NALCN: variants seen among roughly 807,000 people sequenced by gnomAD.
NALCN encodes sodium leak channel NALCN.
NALCN carries 111 observed loss-of-function variants against 225.3 expected under a neutral mutation model. The observed-to-expected ratio is 0.49, with a 90% CI of 0.42 to 0.58. The LOEUF (loss-of-function observed/expected upper bound fraction) is 0.58. Ranked by LOEUF, NALCN falls within the 20% of genes least tolerant of loss-of-function variation. The pLI is 0.00. For missense variants in NALCN, 1,378 were observed against 2,202.4 expected (o/e 0.63, Z 7.49); for synonymous variants, 764 against 769.0 (o/e 0.99, Z 0.11).
intron 7 of NALCN, among the ~76,000 whole-genome samples, chr13:101,313,196 G>A (rs2044417568): frequency 2.6e-5 from 4 of 152,072 alleles, no homozygotes; most frequent in Admixed American, 2.0e-4. Flanking sequence ...ATGGATTAAA[G>A]ACTTACGTGT....
chr13:101,336,886 C>A (rs1174122735), intron 7 of NALCN, among the ~76,000 whole-genome samples: 1 of 152,170 alleles, frequency 6.6e-6, no homozygotes, highest in African/African-American at 2.4e-5. Flanking sequence ...TGCCTTATCA[C>A]GGCATTTTGA....
At chr13:101,286,709 T>C (rs974197143) in intron 9 of NALCN, among the ~76,000 whole-genome samples, 10 of 152,156 alleles carry the variant, frequency 6.6e-5, no homozygotes, top group African/African-American at 2.2e-4. Context: ...ATTTTTTTTT[T>C]CATTTTACTG....
intron 26 of NALCN, among the ~76,000 whole-genome samples, chr13:101,101,938 T>C (rs1167010076): frequency 6.6e-6 from 1 of 152,238 alleles, no homozygotes; most frequent in Non-Finnish European, 1.5e-5. Context: ...AGTCAGGTGA[T>C]ATTTTCTTTT....
intron 11 of NALCN, among the ~76,000 whole-genome samples, chr13:101,241,112 T>C (rs2041742849): frequency 1.3e-5 from 2 of 152,228 alleles, no homozygotes; most frequent in South Asian, 4.1e-4. Flanking sequence ...GAAACCCACA[T>C]GGGCACAGGC....
intron 6 of NALCN, among the ~76,000 whole-genome samples, chr13:101,352,371 C>T (rs2045930935): frequency 6.6e-6 from 1 of 151,978 alleles, no homozygotes; most frequent in African/African-American, 2.4e-5. Context: ...AGGATGCACA[C>T]GTACTAGTTC....
At chr13:101,390,004 C>G (rs2047099650) in intron 3 of NALCN, among the ~76,000 whole-genome samples, 1 of 152,196 alleles carries the variant, frequency 6.6e-6, no homozygotes, top group Non-Finnish European at 1.5e-5. Flanking sequence ...ATTGCTTGAA[C>G]CCAGAAGGTG....
intron 20 of NALCN, among the ~76,000 whole-genome samples, chr13:101,110,395 A>G (rs1364463756): frequency 2.6e-5 from 4 of 152,170 alleles, no homozygotes; most frequent in South Asian, 2.1e-4. Flanking sequence ...TATTTTAACT[A>G]AGACATGTGC....
chr13:101,062,946 A>C (rs1436161608), intron 40 of NALCN, among the ~76,000 whole-genome samples: 1 of 152,218 alleles, frequency 6.6e-6, no homozygotes, highest in Admixed American at 6.5e-5. Flanking sequence ...CCAGGGTTGA[A>C]TATCCACTCC....
chr13:101,191,888 T>A, intron 14 of NALCN, 29 bp downstream of exon 14: 1 of 1,578,196 alleles, frequency 6.3e-7, no homozygotes, highest in Non-Finnish European at 8.5e-7. Context: ...AATTCCAAGA[T>A]ATAATTGAAA....
intron 1 of NALCN, among the ~76,000 whole-genome samples, chr13:101,402,782 T>A (rs2047512243): frequency 6.6e-6 from 1 of 152,170 alleles, no homozygotes; most frequent in Non-Finnish European, 1.5e-5. Flanking sequence ...GAATGAAGAT[T>A]CAGCCTGAGA....
chr13:101,271,794 C>T (rs1318683625), intron 10 of NALCN, among the ~76,000 whole-genome samples: 5 of 150,736 alleles, frequency 3.3e-5, no homozygotes, highest in Non-Finnish European at 7.4e-5. Context: ...TGTCTGTGTG[C>T]ATGCATGTGT....
intron 15 of NALCN, among the ~76,000 whole-genome samples, chr13:101,153,752 GCTTT>G (rs2037767891): frequency 6.6e-6 from 1 of 152,068 alleles, no homozygotes; most frequent in Non-Finnish European, 1.5e-5. Context: ...TTCCTAACTG[GCTTT>G]CTGTCTTAGT....
intron 1 of NALCN, 76 bp from the exon 2 acceptor site, chr13:101,399,241 C>G: frequency 7.0e-6 from 7 of 994,854 alleles, no homozygotes; most frequent in Non-Finnish European, 1.0e-5. Context: ...CCACATATAT[C>G]TACTTATTTG....
intron 10 of NALCN, among the ~76,000 whole-genome samples, chr13:101,265,803 A>G (rs2042577211): frequency 6.6e-6 from 1 of 152,166 alleles, no homozygotes; most frequent in Admixed American, 6.5e-5. Context: ...AGCCCAAACC[A>G]GGTAGTCTCT....
chr13:101,304,216 C>T lies in NALCN; in HGVS notation c.800-11850G>A, dbSNP rs1391823716. 2.0e-5 allele frequency among the ~76,000 whole-genome samples: 3 copies of T among 151,868 alleles called. No homozygotes were observed. The East Asian group carries it at 5.8e-4, about 29-fold the overall frequency. On this transcript the variant is annotated intron_variant, in intron 7 of 43. Coordinates refer to ENST00000251127, the MANE Select transcript of NALCN (RefSeq NM_052867.4). ...AATTTTATTTTTAATTTTAAGTACA[C>T]TTATTTCAGATGTAAAGACTTTTTT...
chr13:101,298,541 C>T (rs1178033841), intron 7 of NALCN, among the ~76,000 whole-genome samples: 3 of 152,156 alleles, frequency 2.0e-5, no homozygotes, highest in Non-Finnish European at 4.4e-5. Flanking sequence ...AGGCTGGCCT[C>T]GAACTCCTGA....
At chr13:101,079,327 C>G (rs1353932210) in intron 34 of NALCN, among the ~76,000 whole-genome samples, 1 of 152,222 alleles carries the variant, frequency 6.6e-6, no homozygotes. Context: ...GGATGAGAAT[C>G]TGAATTCTTC....
At chr13:101,114,425 TTC>T (rs10538126) in intron 18 of NALCN, among the ~76,000 whole-genome samples, 24,307 of 146,206 alleles carry the variant, frequency 0.17, 2,252 homozygotes, top group African/African-American at 0.28. Context: ...AGCATATTCA[TTC>T]TCTCTCTCTC....
intron 7 of NALCN, among the ~76,000 whole-genome samples, chr13:101,338,751 C>A (rs2045465068): frequency 6.6e-6 from 1 of 152,186 alleles, no homozygotes; most frequent in Admixed American, 6.5e-5. Context: ...TGCTAACATT[C>A]CACTAGAAAA....
Sources: allele counts gnomAD v4.1 joint callset (sites outside exome capture counted in the v4.1 genomes callset), GRCh38; gene constraint gnomAD v4.1.1; transcripts MANE v1.5; gene names NCBI Gene and HGNC (gene_info 2026-07-23, HGNC 2026-07-21).